The following TMEM135 variants were observed in gnomAD, a reference collection of about 807,000 sequenced individuals.
TMEM135 encodes the protein transmembrane protein 135.
In TMEM135, 30 loss-of-function variants were observed where a neutral mutation model predicts 60.3. That is an observed-to-expected ratio of 0.50 (90% CI 0.37 to 0.68). The LOEUF is 0.68. TMEM135 is among the 30% of genes least tolerant of loss of function. The pLI is 0.00. For synonymous variants in TMEM135, 190 were observed against 186.7 expected (o/e 1.02, Z -0.14); for missense variants, 468 against 548.8 (o/e 0.85, Z 1.47).
At chr11:87,183,135 A>ATTTTTTTTTTTTTTTTTTTTTTTTTTTTT (rs772123636) in intron 5 of TMEM135, among the ~76,000 whole-genome samples, 1 of 92,608 alleles carries the variant, frequency 1.1e-5, no homozygotes, top group Non-Finnish European at 2.0e-5. Context: ...GTAATCACTA[A>ATTTTTTTTTTTTTTTTTTTTTTTTTTTTT]TTTTTTTTTT....
intron 4 of TMEM135, among the ~76,000 whole-genome samples, chr11:87,102,728 GTATATA>G (rs111454491): frequency 2.8e-5 from 4 of 145,392 alleles, no homozygotes; most frequent in Non-Finnish European, 6.0e-5. Flanking sequence ...ATATATATAT[GTATATA>G]TATATGTATA....
intron 5 of TMEM135, chr11:87,157,772 C>T (rs970924596): frequency 1.8e-5 from 3 of 170,758 alleles, no homozygotes; most frequent in Non-Finnish European, 3.7e-5. Flanking sequence ...ATAAAATAAT[C>T]GGAAATGTTG....
chr11:87,206,190 G>A (rs918070404), intron 5 of TMEM135, among the ~76,000 whole-genome samples: 3 of 152,144 alleles, frequency 2.0e-5, no homozygotes, highest in African/African-American at 7.2e-5. Flanking sequence ...GTTTTAGACT[G>A]TTGGCAAAAC....
intron 6 of TMEM135, among the ~76,000 whole-genome samples, chr11:87,271,662 A>G (rs1013323203): frequency 6.6e-6 from 1 of 152,174 alleles, no homozygotes; most frequent in Non-Finnish European, 1.5e-5. Flanking sequence ...GCCTGGGTGC[A>G]GTGGCTCATG....
chr11:87,327,889 C>T lies in TMEM135; in HGVS notation c.*6556C>T, dbSNP rs968516715. On this transcript the variant is annotated 3_prime_UTR_variant, in exon 15 of 15. Transcript: ENST00000305494. ...TGCAGGGGAGAGAGAGAAGCCAATTCTCCTTTCTTCTGTTTTTATTCTACC... is the reference window on the plus strand; with the variant it reads ...TGCAGGGGAGAGAGAGAAGCCAATTTTCCTTTCTTCTGTTTTTATTCTACC... 1 of 453,938 alleles carries T rather than the reference C, an allele frequency of 2.2e-6. No individual in the cohort carries two copies. Among genetic ancestry groups the T allele is most frequent in the South Asian group, 1.6e-5 (1 of 64,462 alleles). The allele number at this position is 453,938 out of a possible 1,614,324, so 28.1% of individuals were successfully genotyped here. A position where few individuals can be genotyped will look rare whatever the true frequency, so the allele number is the denominator to read the frequency against.
At position 87,305,804 on chromosome 11, in the gene TMEM135, T is replaced by TAAAGAAAGAAAGAAAGAAAG. The variant is rs1554987162; in HGVS notation, c.699-128_699-127insAAAGAAAGAAAGAAAGAAAG. ...ATAAATAAATAAATAAATAAATAAA[T>TAAAGAAAGAAAGAAAGAAAG]AAAGTGATGTTTTCTTCTCTCTCTT... On this transcript the variant is annotated intron_variant, in intron 8 of 14. Transcript: ENST00000305494. 735 of 412,432 alleles carry TAAAGAAAGAAAGAAAGAAAG rather than the reference T, an allele frequency of 1.8e-3. 3 individuals are homozygous for TAAAGAAAGAAAGAAAGAAAG. The highest frequency in any genetic ancestry group is 3.7e-3 in the African/African-American group (173 of 47,040). The allele number at this position is 412,432 out of a possible 1,614,324, so 25.5% of individuals were successfully genotyped here. A position where few individuals can be genotyped will look rare whatever the true frequency, so the allele number is the denominator to read the frequency against.
chr11:87,124,414 C>T (rs1937663216), intron 4 of TMEM135, among the ~76,000 whole-genome samples: 1 of 152,106 alleles, frequency 6.6e-6, no homozygotes, highest in Non-Finnish European at 1.5e-5. Flanking sequence ...ATCTGTTTGG[C>T]TTATTTAGGT....
chr11:87,105,990 T>A (rs542598087), intron 4 of TMEM135, among the ~76,000 whole-genome samples: 73 of 152,300 alleles, frequency 4.8e-4, no homozygotes, highest in Non-Finnish European at 8.1e-4. Flanking sequence ...GAGATCAACT[T>A]TTTTAGCTCT....
chr11:87,127,058 T>C (rs628686), intron 4 of TMEM135, among the ~76,000 whole-genome samples: 72,468 of 151,948 alleles, frequency 0.48, 17,577 homozygotes, highest in East Asian at 0.67. Context: ...AAAACAACAT[T>C]GATTTGAACA....
intron 5 of TMEM135, among the ~76,000 whole-genome samples, chr11:87,207,708 G>A (rs917447411): frequency 8.5e-5 from 13 of 152,080 alleles, no homozygotes; most frequent in Non-Finnish European, 1.8e-4. Flanking sequence ...ATAGAATACT[G>A]CAGACTGTGT....
chr11:87,219,789 C>CT (rs893137105), intron 5 of TMEM135, among the ~76,000 whole-genome samples: 30 of 152,100 alleles, frequency 2.0e-4, no homozygotes, highest in Non-Finnish European at 1.6e-4. Flanking sequence ...TCTGTTGAAA[C>CT]TTAGTTGGCA....
At chr11:87,233,934 T>G (rs972323400) in intron 5 of TMEM135, among the ~76,000 whole-genome samples, 12 of 152,148 alleles carry the variant, frequency 7.9e-5, no homozygotes, top group African/African-American at 2.7e-4. Context: ...ACTGTGGATT[T>G]AGATTTATTT....
At chr11:87,305,263 C>T (rs1942519121) in intron 8 of TMEM135, among the ~76,000 whole-genome samples, 1 of 151,908 alleles carries the variant, frequency 6.6e-6, no homozygotes, top group African/African-American at 2.4e-5. Flanking sequence ...TTAAGGTTTC[C>T]AAAAGACTTG....
rs1170860611 is a variant in TMEM135 at position 87,326,853 on chromosome 11, C to CAAAGGGCA, written c.*5521_*5528dup. ...ATAGCACTAAGGCTCTCTTCAGAAC[C>CAAAGGGCA]AAAGGGCAGGATAAATAAATCTATG... On this transcript the variant is annotated 3_prime_UTR_variant, in exon 15 of 15. Transcript: ENST00000305494. 15 of 451,338 alleles carry CAAAGGGCA rather than the reference C, an allele frequency of 3.3e-5. No individual in the cohort carries two copies. The highest frequency in any genetic ancestry group is 6.6e-5 in the Non-Finnish European group (15 of 226,398). 28.0% of individuals were successfully genotyped at this position (451,338 alleles called of 1,614,324 possible). A position where few individuals can be genotyped will look rare whatever the true frequency, so the allele number is the denominator to read the frequency against.
chr11:87,178,401 A>C (rs375654087), intron 5 of TMEM135: 2 of 456,016 alleles, frequency 4.4e-6, no homozygotes, highest in African/African-American at 4.0e-5. Flanking sequence ...TATACAATAT[A>C]TGCCCTTTTG....
At chr11:87,107,372 G>A (rs866766916) in intron 4 of TMEM135, among the ~76,000 whole-genome samples, 2 of 151,668 alleles carry the variant, frequency 1.3e-5, no homozygotes, top group East Asian at 1.9e-4. Context: ...CCATTAACTC[G>A]TCATTTACAT....
intron 1 of TMEM135, among the ~76,000 whole-genome samples, chr11:87,066,916 G>A (rs181655276): frequency 1.2e-3 from 177 of 150,854 alleles, no homozygotes; most frequent in African/African-American, 4.1e-3. Context: ...AAGTAGCTGG[G>A]ACTACAGGCG....
intron 5 of TMEM135, among the ~76,000 whole-genome samples, chr11:87,215,911 C>T (rs754640765): frequency 2.6e-5 from 4 of 152,122 alleles, no homozygotes; most frequent in Non-Finnish European, 4.4e-5. Context: ...ATCTAATAGC[C>T]TCCTCTTAAC....
chr11:87,043,428 C>T (rs1949767791), intron 1 of TMEM135, among the ~76,000 whole-genome samples: 1 of 151,964 alleles, frequency 6.6e-6, no homozygotes, highest in Admixed American at 6.5e-5. Context: ...ACATATGAAA[C>T]AGTTATTAAA....
Sources: allele counts gnomAD v4.1 joint callset (sites outside exome capture counted in the v4.1 genomes callset), GRCh38; gene constraint gnomAD v4.1.1; transcripts MANE v1.5; gene names NCBI Gene and HGNC (gene_info 2026-07-23, HGNC 2026-07-21).